Variants in DMD observed in about 807,000 individuals in gnomAD.
DMD encodes dystrophin.
In DMD, 63 loss-of-function variants were observed where a neutral mutation model predicts 330.1. The ratio of observed to expected loss-of-function variants is 0.19; its 90% confidence interval spans 0.16 to 0.24. DMD has a LOEUF of 0.24. Ranked by LOEUF, DMD falls within the 10% of genes least tolerant of loss-of-function variation. The pLI is 1.00. For missense variants in DMD, 3,344 were observed against 2,684.1 expected (o/e 1.25, Z -5.43); for synonymous variants, 1,223 against 959.8 (o/e 1.27, Z -5.07).
At chrX:32,604,746 C>G (rs1329533629) in intron 12 of DMD, among the ~76,000 whole-genome samples, 1 of 108,072 alleles carries the variant, frequency 9.3e-6, no homozygotes, top group Middle Eastern at 4.2e-3. Context: ...GGTAGCATTT[C>G]TATACACCAA....
intron 60 of DMD, among the ~76,000 whole-genome samples, chrX:31,403,549 A>T (rs7062234): frequency 4.5e-5 from 5 of 111,570 alleles, no homozygotes; most frequent in Non-Finnish European, 9.4e-5. Context: ...TCCTTTGTTC[A>T]GTGGATATAA....
chrX:31,869,352 T>C (rs1218055690), intron 48 of DMD, among the ~76,000 whole-genome samples: 3 of 109,961 alleles, frequency 2.7e-5, no homozygotes, highest in Non-Finnish European at 3.8e-5. Context: ...TATCAGATTC[T>C]AGTCCTGTTC....
At chrX:32,482,381 T>A (rs775248239) in intron 21 of DMD, among the ~76,000 whole-genome samples, 1 of 111,816 alleles carries the variant, frequency 8.9e-6, no homozygotes, top group African/African-American at 3.2e-5. Flanking sequence ...GTGGCCATTT[T>A]ATATCAAGAG....
intron 1 of DMD, among the ~76,000 whole-genome samples, chrX:33,174,412 T>A (rs1005228921): frequency 1.8e-5 from 2 of 112,089 alleles, no homozygotes; most frequent in African/African-American, 6.5e-5. Flanking sequence ...TTAACACTTT[T>A]GAGTTATTTA....
At chrX:32,588,593 G>T (rs2054543724) in intron 13 of DMD, among the ~76,000 whole-genome samples, 1 of 111,490 alleles carries the variant, frequency 9.0e-6, no homozygotes, top group Non-Finnish European at 1.9e-5. Flanking sequence ...AAGTGACTCA[G>T]GATTTTAAGC....
At chrX:31,221,371 A>G (rs1424565697) in intron 64 of DMD, among the ~76,000 whole-genome samples, 1 of 112,309 alleles carries the variant, frequency 8.9e-6, no homozygotes, top group African/African-American at 3.2e-5. Flanking sequence ...TCTGTGCTTT[A>G]GCCATACTGA....
At chrX:31,558,100 T>C (rs1440452271) in intron 55 of DMD, among the ~76,000 whole-genome samples, 1 of 112,340 alleles carries the variant, frequency 8.9e-6, no homozygotes. Context: ...TAACAAAGTG[T>C]CATGTGAATT....
At chrX:32,791,881 G>A (rs1194494158) in intron 7 of DMD, among the ~76,000 whole-genome samples, 3 of 109,946 alleles carry the variant, frequency 2.7e-5, no homozygotes, top group Non-Finnish European at 3.8e-5. Context: ...GATACAGGAT[G>A]CTGAAAGATC....
chrX:32,797,864 A>G (rs946867883), intron 7 of DMD, among the ~76,000 whole-genome samples: 5 of 111,742 alleles, frequency 4.5e-5, no homozygotes, highest in Non-Finnish European at 9.4e-5. Context: ...AGAGATTCTC[A>G]GTTATCTAGG....
intron 55 of DMD, among the ~76,000 whole-genome samples, chrX:31,510,292 TAGA>T (rs1232393130): frequency 9.0e-6 from 1 of 111,242 alleles, no homozygotes; most frequent in Non-Finnish European, 1.9e-5. Flanking sequence ...CTCTTGATTC[TAGA>T]AGATCTTGGG....
intron 2 of DMD, among the ~76,000 whole-genome samples, chrX:32,900,922 T>A (rs780952365): frequency 3.6e-5 from 4 of 111,124 alleles, no homozygotes; most frequent in African/African-American, 1.3e-4. Context: ...TATTAAGAAT[T>A]ACTCGAATAA....
chrX:32,081,238 T>C (rs371452869), intron 44 of DMD, among the ~76,000 whole-genome samples: 1 of 112,344 alleles, frequency 8.9e-6, no homozygotes, highest in East Asian at 2.8e-4. Context: ...CTTAATTGCA[T>C]GACGAAATTG....
At chrX:32,713,673 G>C (rs1234902674) in intron 7 of DMD, among the ~76,000 whole-genome samples, 2 of 111,596 alleles carry the variant, frequency 1.8e-5, no homozygotes, top group Admixed American at 1.9e-4. Flanking sequence ...TTTACCATCT[G>C]AGATAAATTC....
chrX:32,824,999 A>AT (rs1467531583), intron 4 of DMD, among the ~76,000 whole-genome samples: 9 of 111,691 alleles, frequency 8.1e-5, no homozygotes, highest in African/African-American at 2.9e-4. Context: ...TTATCTATTG[A>AT]TTCATTGATT....
At chrX:32,882,632 G>A (rs1052740469) in intron 2 of DMD, among the ~76,000 whole-genome samples, 6 of 112,046 alleles carry the variant, frequency 5.4e-5, no homozygotes, top group East Asian at 2.8e-4. Context: ...CTGGACAGCC[G>A]TATCCATATG....
chrX:33,193,262 A>C (rs5972771), intron 1 of DMD, among the ~76,000 whole-genome samples: 10 of 110,780 alleles, frequency 9.0e-5, no homozygotes, highest in African/African-American at 3.3e-4. Flanking sequence ...AGCCGAGATC[A>C]CACAACTGCA....
At chrX:32,305,198 A>G (rs965513819) in intron 42 of DMD, among the ~76,000 whole-genome samples, 3 of 111,653 alleles carry the variant, frequency 2.7e-5, no homozygotes, top group African/African-American at 6.5e-5. Context: ...CACTTTGCTC[A>G]TGGCATAATT....
intron 9 of DMD, among the ~76,000 whole-genome samples, chrX:32,686,779 A>G (rs1183154164): frequency 9.0e-6 from 1 of 111,133 alleles, no homozygotes; most frequent in East Asian, 2.8e-4. Flanking sequence ...AATGCAAAAA[A>G]GAAAATCAAA....
chrX:32,060,516 C>A (rs1208295651), intron 44 of DMD, among the ~76,000 whole-genome samples: 1 of 111,257 alleles, frequency 9.0e-6, no homozygotes, highest in Non-Finnish European at 1.9e-5. Context: ...GAGAGAAGTT[C>A]CGGTTTGCTA....
Sources: allele counts gnomAD v4.1 joint callset (sites outside exome capture counted in the v4.1 genomes callset), GRCh38; gene constraint gnomAD v4.1.1; transcripts MANE v1.5; gene names NCBI Gene and HGNC (gene_info 2026-07-23, HGNC 2026-07-21).